GALK2: variants seen among roughly 807,000 people sequenced by gnomAD.
The protein encoded by GALK2 is galactokinase 2.
Under a neutral mutation model 52.4 loss-of-function variants are expected in GALK2, and 36 were observed. The ratio of observed to expected loss-of-function variants is 0.69; its 90% CI spans 0.53 to 0.91. GALK2 has a LOEUF of 0.91. GALK2 is among the 40% of genes least tolerant of loss of function. GALK2 has a pLI of 0.00. For missense variants in GALK2, 579 were observed against 559.1 expected (o/e 1.04, Z -0.36); for synonymous variants, 176 against 199.1 (o/e 0.88, Z 0.98).
At chr15:49,164,780 CAAAAAA>C (rs36107125) in intron 1 of GALK2, among the ~76,000 whole-genome samples, 16 of 65,196 alleles carry the variant, frequency 2.5e-4, no homozygotes, top group African/African-American at 4.6e-4. Flanking sequence ...AACTCCGTCT[CAAAAAA>C]AAAAAAAAAA....
Position 49,340,553 on chromosome 15 carries a change from G to A in GALK2, c.426+20748G>A, listed in dbSNP as rs62012168. On this transcript the variant is annotated intron_variant, in intron 3 of 3. Transcript: ENST00000558399. Reference sequence around the variant, plus strand: ...ATCTTGCTGGAAGCTGCAGACCAGCGCTTTTCCTATTAGGCCATCTTGCCA... The same window carrying A: ...ATCTTGCTGGAAGCTGCAGACCAGCACTTTTCCTATTAGGCCATCTTGCCA... Among the ~76,000 whole-genome samples, 1,220 of 152,166 alleles carry A rather than the reference G, an allele frequency of 8.0e-3. 11 individuals are homozygous for A. Among genetic ancestry groups the A allele is most frequent in the Non-Finnish European group, 0.014 (976 of 67,998 alleles).
At position 49,262,329 on chromosome 15, in the gene GALK2, C is replaced by A. The variant is rs578040268; in HGVS notation, c.505-19658C>A. 3.3e-5 allele frequency among the ~76,000 whole-genome samples: 5 copies of A among 152,254 alleles called. No individual in the cohort carries two copies. The South Asian group carries it at 8.3e-4, about 25-fold the overall frequency. On this transcript the variant is annotated intron_variant, in intron 5 of 9. Transcript: ENST00000560031. ...TATGTGTCGAGGAATTTATCCATTT[C>A]TTCTGGATTTTCTAGTTTATTTGCA...
At chr15:49,227,634 A>T (rs2141434932) in intron 3 of GALK2, among the ~76,000 whole-genome samples, 1 of 151,888 alleles carries the variant, frequency 6.6e-6, no homozygotes, top group African/African-American at 2.4e-5. Flanking sequence ...TTTTACATTC[A>T]ATGTTATTAT....
chr15:49,354,959 G>C (rs1317479063), intron 3 of GALK2, among the ~76,000 whole-genome samples: 2 of 151,930 alleles, frequency 1.3e-5, no homozygotes, highest in Non-Finnish European at 2.9e-5. Flanking sequence ...CTAACTGGGA[G>C]GCACCCCCCA....
At chr15:49,245,293 G>C (rs914357987) in intron 5 of GALK2, among the ~76,000 whole-genome samples, 4 of 152,186 alleles carry the variant, frequency 2.6e-5, no homozygotes, top group African/African-American at 9.7e-5. Flanking sequence ...AAAAGTATTT[G>C]CCGTTGTACA....
At chr15:49,341,552 A>G (rs1188804659) in intron 3 of GALK2, among the ~76,000 whole-genome samples, 2 of 152,116 alleles carry the variant, frequency 1.3e-5, no homozygotes, top group East Asian at 1.9e-4. Flanking sequence ...AGGTTTCACC[A>G]TGTTGCCCAG....
chr15:49,322,576 G>T lies in GALK2; in HGVS notation c.1169+2771G>T, dbSNP rs187688553. ...GGAATTAAGTTGATGCAGGCATTAT[G>T]TCCTTCCCTCCTTCAATCAATACAT... is the stretch of plus-strand genomic sequence containing the variant. On this transcript the variant is annotated intron_variant, in intron 9 of 9. Coordinates refer to ENST00000560031, the MANE Select transcript of GALK2 (RefSeq NM_002044.4). 2.5e-3 allele frequency among the ~76,000 whole-genome samples: 382 copies of T among 152,318 alleles called. 4 individuals carry two copies. The highest frequency in any genetic ancestry group is 8.7e-3 in the African/African-American group (361 of 41,566).
rs1258571880 is a variant in GALK2, at chr15:49,239,306, G to C, written c.443G>C (p.Ser148Thr). ...CCAAGTTCTGGCCTCTCCAGCTCCA[G>C]TGCTTTGGTCTGTTGTGCTGGCTTG... is the stretch of plus-strand genomic sequence containing the variant. ...IPPSSGLSSS[S>T]ALVCCAGLVT... Residue 148 changes from serine to threonine, a missense_variant, in exon 5 of 10, where the codon AGT becomes ACT. Physicochemically the swap from Ser to Thr is moderately conservative, Grantham distance 58. Coordinates refer to ENST00000560031, the MANE Select transcript of GALK2 (RefSeq NM_002044.4). 1.5e-5 allele frequency: 25 copies of C among 1,614,016 alleles called. No individual in the cohort carries two copies. Among genetic ancestry groups the C allele is most frequent in the Non-Finnish European group, 2.0e-5 (24 of 1,179,996 alleles).
intron 3 of GALK2, chr15:49,225,391 G>T (rs891735405): frequency 2.7e-6 from 1 of 371,660 alleles, no homozygotes; most frequent in African/African-American, 2.1e-5. Flanking sequence ...CCTGAGCTCG[G>T]TCTCCCGTCA....
In GALK2 at chr15:49,326,255, A is replaced by ATTT. The variant is rs35381509; in HGVS notation, c.1170-1676_1170-1674dup. On this transcript the variant is annotated intron_variant, in intron 9 of 9. Transcript: ENST00000560031. ...TTTGATACGACTGCATATGACAACC[A>ATTT]TTTTTTTTTTTTTTTTTTTTTTTGA... Among the ~76,000 whole-genome samples, 689 of 100,656 alleles carry ATTT rather than the reference A, an allele frequency of 6.8e-3. 4 individuals carry two copies. Among genetic ancestry groups the ATTT allele is most frequent in the Non-Finnish European group, 8.2e-3 (419 of 51,008 alleles). 66.0% of individuals were successfully genotyped at this position (100,656 alleles called of 152,430 possible). A position where few individuals can be genotyped will look rare whatever the true frequency, so the allele number is the denominator to read the frequency against.
intron 5 of GALK2, among the ~76,000 whole-genome samples, chr15:49,240,878 T>C (rs939355415): frequency 1.6e-4 from 25 of 152,246 alleles, no homozygotes; most frequent in African/African-American, 5.8e-4. Flanking sequence ...ATATCTGTAT[T>C]TTAGAAAGAT....
chr15:49,296,846 G>A lies in GALK2; in HGVS notation c.967+4309G>A, dbSNP rs113904432. ...GAACTCCTGACCTCGTGATTCACCC[G>A]CCTTGGCCTCTCAAAGTGTTGGGAT... On this transcript the variant is annotated intron_variant, in intron 8 of 9. Coordinates refer to ENST00000560031, the MANE Select transcript of GALK2 (RefSeq NM_002044.4). Among the ~76,000 whole-genome samples the A allele has an allele frequency of 6.6e-5, 10 of 152,226 alleles. No individual in the cohort carries two copies. The East Asian group carries it at 7.7e-4, about 12-fold the overall frequency.
chr15:49,366,543 G>A (rs545706299), intron 3 of GALK2: 18 of 1,563,436 alleles, frequency 1.2e-5, no homozygotes, highest in African/African-American at 2.7e-5. Context: ...GCTGACCAAT[G>A]GGGGTTATAA....
Position 49,192,485 on chromosome 15 carries a change from G to GTGTGTATA in GALK2, c.54-8676_54-8675insGTGTATAT, listed in dbSNP as rs1360198549. On this transcript the variant is annotated intron_variant, in intron 1 of 9. Transcript: ENST00000560031. ...TCTGCAATGAATATTATATATATATGTATATATATATATATATATATATAT... is the reference window on the plus strand; with the variant it reads ...TCTGCAATGAATATTATATATATATGTGTGTATATATATATATATATATATATATATAT... Among the ~76,000 whole-genome samples the GTGTGTATA allele has an allele frequency of 2.9e-4, 30 of 102,970 alleles. 1 individual carries two copies. The highest frequency in any genetic ancestry group is 1.2e-3 in the African/African-American group (30 of 24,716). 67.6% of individuals were successfully genotyped at this position (102,970 alleles called of 152,430 possible).
At chr15:49,261,061 G>A (rs1486472195) in intron 5 of GALK2, among the ~76,000 whole-genome samples, 1 of 151,688 alleles carries the variant, frequency 6.6e-6, no homozygotes, top group Non-Finnish European at 1.5e-5. Flanking sequence ...CTCTTTTTTG[G>A]TTCCATATGA....
At chr15:49,366,826 G>A in intron 3 of GALK2, 1 of 547,996 alleles carries the variant, frequency 1.8e-6, no homozygotes, top group South Asian at 2.2e-5. Flanking sequence ...CGCCACTGCA[G>A]CCCACACTCT....
At chr15:49,219,062 A>T (rs2089601410) in intron 3 of GALK2, among the ~76,000 whole-genome samples, 1 of 152,134 alleles carries the variant, frequency 6.6e-6, no homozygotes, top group African/African-American at 2.4e-5. Context: ...ACTGACCTCA[A>T]GTGATCCACC....
chr15:49,234,548 T>C (rs1300279227), intron 3 of GALK2, among the ~76,000 whole-genome samples: 2 of 152,114 alleles, frequency 1.3e-5, no homozygotes, highest in East Asian at 3.9e-4. Flanking sequence ...AAGTCACATC[T>C]TACATGGCAG....
intron 1 of GALK2, among the ~76,000 whole-genome samples, chr15:49,157,743 G>A (rs1165957233): frequency 6.6e-6 from 1 of 152,170 alleles, no homozygotes; most frequent in Non-Finnish European, 1.5e-5. Flanking sequence ...CATTGGAAGG[G>A]ACCTGAGAAA....
Sources: gnomAD v4.1 joint callset for allele counts (sites outside exome capture counted in the v4.1 genomes callset) on GRCh38, gnomAD v4.1.1 for gene constraint, MANE v1.5 for transcripts, NCBI Gene and HGNC (gene_info 2026-07-23, HGNC 2026-07-21) for gene names.